The following DLGAP2 variants were observed in gnomAD, a reference collection of about 807,000 sequenced individuals.
DLGAP2 encodes the protein DLG associated protein 2.
A neutral mutation model predicts 100.3 loss-of-function variants in DLGAP2; 26 were observed. The observed-to-expected ratio is 0.26, with a 90% CI of 0.19 to 0.36. The LOEUF is 0.36. Among genes scored for constraint, DLGAP2 ranks in the 10% least tolerant of loss-of-function variants. DLGAP2 has a pLI of 1.00. For missense variants in DLGAP2, 1,858 were observed against 1,453.2 expected (o/e 1.28, Z -4.53); for synonymous variants, 886 against 630.1 (o/e 1.41, Z -6.08).
intron 3 of DLGAP2, among the ~76,000 whole-genome samples, chr8:1,289,136 T>C (rs1317041860): frequency 6.6e-6 from 1 of 152,184 alleles, no homozygotes; most frequent in Admixed American, 6.5e-5. Flanking sequence ...CAGGCTGTTT[T>C]TAGCCTGGAG....
chr8:1,382,844 C>G (rs561183932), intron 3 of DLGAP2, among the ~76,000 whole-genome samples: 1 of 152,172 alleles, frequency 6.6e-6, no homozygotes, highest in African/African-American at 2.4e-5. Context: ...GTTGAATAAA[C>G]TTTAGTATAT....
chr8:1,334,492 A>G (rs116661149), intron 3 of DLGAP2, among the ~76,000 whole-genome samples: 1 of 152,146 alleles, frequency 6.6e-6, no homozygotes, highest in Admixed American at 6.5e-5. Context: ...GTTCCACTAA[A>G]TCTTCTGTAA....
At chr8:1,226,251 A>T (rs187873763) in intron 2 of DLGAP2, among the ~76,000 whole-genome samples, 4 of 152,302 alleles carry the variant, frequency 2.6e-5, no homozygotes, top group South Asian at 4.1e-4. Flanking sequence ...GATAGACTGG[A>T]TAAAAAAAAT....
chr8:834,638 T>C (rs946463853), intron 1 of DLGAP2, among the ~76,000 whole-genome samples: 1 of 152,134 alleles, frequency 6.6e-6, no homozygotes, highest in African/African-American at 2.4e-5. Flanking sequence ...AAAGGAAACC[T>C]TCTGGGAAAT....
At chr8:1,253,193 C>G (rs1183717074) in intron 2 of DLGAP2, among the ~76,000 whole-genome samples, 1 of 152,242 alleles carries the variant, frequency 6.6e-6, no homozygotes, top group Admixed American at 6.5e-5. Context: ...CAACGCTGAG[C>G]TTGGCTTCGT....
At chr8:1,681,006 G>A (rs1451506469) in intron 12 of DLGAP2, among the ~76,000 whole-genome samples, 1 of 152,084 alleles carries the variant, frequency 6.6e-6, no homozygotes, top group Non-Finnish European at 1.5e-5. Flanking sequence ...TACACCATGT[G>A]TTTCCTCAAA....
chr8:1,244,121 C>T (rs928095821), intron 2 of DLGAP2, among the ~76,000 whole-genome samples: 14 of 152,168 alleles, frequency 9.2e-5, no homozygotes, highest in African/African-American at 1.2e-4. Context: ...TGGTGAGTGT[C>T]GGATGCTCCC....
intron 3 of DLGAP2, among the ~76,000 whole-genome samples, chr8:1,307,978 A>G (rs1245498992): frequency 1.3e-5 from 2 of 151,762 alleles, no homozygotes; most frequent in African/African-American, 4.8e-5. Context: ...ACACCACAGA[A>G]CTACACACAC....
chr8:1,294,192 A>G (rs73170427), intron 3 of DLGAP2, among the ~76,000 whole-genome samples: 2,208 of 152,266 alleles, frequency 0.015, 24 homozygotes, highest in Non-Finnish European at 0.023. Context: ...GGGCCCACAC[A>G]TCCCCTCCCA....
At chr8:1,214,273 T>G (rs1488398162) in intron 2 of DLGAP2, among the ~76,000 whole-genome samples, 5 of 151,814 alleles carry the variant, frequency 3.3e-5, no homozygotes, top group African/African-American at 9.7e-5. Context: ...GAACTGGGAG[T>G]AGGACACCAC....
chr8:827,353 G>C (rs1016475733), intron 1 of DLGAP2, among the ~76,000 whole-genome samples: 2 of 152,160 alleles, frequency 1.3e-5, no homozygotes, highest in Non-Finnish European at 2.9e-5. Flanking sequence ...TTGAATGGTA[G>C]CAGACTTGCA....
At chr8:1,052,213 A>G (rs960483858) in intron 2 of DLGAP2, among the ~76,000 whole-genome samples, 1 of 151,850 alleles carries the variant, frequency 6.6e-6, no homozygotes, top group African/African-American at 2.4e-5. Flanking sequence ...CCTTCCCCCC[A>G]TTCTCATGCA....
At chr8:1,442,525 C>A (rs1797865760) in intron 3 of DLGAP2, among the ~76,000 whole-genome samples, 1 of 141,426 alleles carries the variant, frequency 7.1e-6, no homozygotes, top group Non-Finnish European at 1.5e-5. Context: ...CGCCAGGCTG[C>A]TGTGGGTTCA....
chr8:1,689,477 T>C (rs2130873340), intron 12 of DLGAP2, among the ~76,000 whole-genome samples: 1 of 152,348 alleles, frequency 6.6e-6, no homozygotes, highest in African/African-American at 2.4e-5. Context: ...AAATGCCCCC[T>C]TTTCCTACAC....
chr8:1,053,182 C>T lies in DLGAP2; in HGVS notation c.73+145216C>T, dbSNP rs908211354. On this transcript the variant is annotated intron_variant, in intron 2 of 14. Transcript: ENST00000637795. ...TATTTAAAAGAAATCAAAATAGAAG[C>T]GCGGATGTGGTGGAGTCGCATCCAT... Among the ~76,000 whole-genome samples, 3 of 152,262 alleles carry T rather than the reference C, an allele frequency of 2.0e-5. No homozygotes were observed. In the South Asian group the frequency reaches 6.2e-4, roughly 32 times the overall value.
At chr8:1,001,802 A>G (rs780504451) in intron 2 of DLGAP2, among the ~76,000 whole-genome samples, 3 of 152,166 alleles carry the variant, frequency 2.0e-5, no homozygotes, top group Non-Finnish European at 4.4e-5. Flanking sequence ...TTTCAAGAAC[A>G]AGGAACAAGG....
intron 2 of DLGAP2, among the ~76,000 whole-genome samples, chr8:1,122,251 C>A (rs568935728): frequency 2.6e-5 from 4 of 152,318 alleles, no homozygotes; most frequent in Non-Finnish European, 5.9e-5. Flanking sequence ...TTCTCCTCTT[C>A]TGTCCATGGA....
intron 1 of DLGAP2, among the ~76,000 whole-genome samples, chr8:906,364 A>G (rs1226203032): frequency 2.0e-5 from 3 of 152,194 alleles, no homozygotes; most frequent in Non-Finnish European, 4.4e-5. Flanking sequence ...GCCTTTTCAG[A>G]CCTGGTGGAT....
chr8:1,056,059 TAGC>T lies in DLGAP2; in HGVS notation c.73+148095_73+148097del, dbSNP rs1482461449. ...CAGAGAGGGCTTGGTAGCTCCCAGG[TAGC>T]AATATTTCACCACTGAGTAAGCATT... On this transcript the variant is annotated intron_variant, in intron 2 of 14. Transcript: ENST00000637795. 2.6e-5 allele frequency among the ~76,000 whole-genome samples: 4 copies of T among 152,290 alleles called. No individual in the cohort carries two copies. In the East Asian group the frequency reaches 7.7e-4, roughly 29 times the overall value.
Sources: gnomAD v4.1 joint callset for allele counts (sites outside exome capture counted in the v4.1 genomes callset) on GRCh38, gnomAD v4.1.1 for gene constraint, MANE v1.5 for transcripts, NCBI Gene and HGNC (gene_info 2026-07-23, HGNC 2026-07-21) for gene names.